The following PARM1 variants were observed in gnomAD, a reference collection of about 807,000 sequenced individuals.
PARM1 encodes WSC4, cell wall integrity and stress response component 4 homolog.
In PARM1, 14 loss-of-function variants were observed where a neutral mutation model predicts 24.6. That is an observed-to-expected ratio of 0.57 (90% CI 0.38 to 0.89). PARM1 has a LOEUF of 0.89. Ranked by LOEUF, PARM1 falls within the 40% of genes least tolerant of loss-of-function variation. PARM1 has a pLI of 0.00. For synonymous variants in PARM1, 179 were observed against 156.6 expected (o/e 1.14, Z -1.07); for missense variants, 362 against 380.4 (o/e 0.95, Z 0.40).
chr4:75,005,494 C>T (rs1722754049), intron 1 of PARM1, among the ~76,000 whole-genome samples: 1 of 152,130 alleles, frequency 6.6e-6, no homozygotes, highest in Non-Finnish European at 1.5e-5. Context: ...TCCTGACACC[C>T]AGTCAGGTCA....
intron 2 of PARM1, among the ~76,000 whole-genome samples, chr4:75,013,802 C>G (rs1471058866): frequency 1.3e-5 from 2 of 152,060 alleles, no homozygotes; most frequent in African/African-American, 4.8e-5. Flanking sequence ...TTTTATTTTC[C>G]CAATAATTAT....
At chr4:74,954,066 ATCT>A (rs1186989040) in intron 1 of PARM1, among the ~76,000 whole-genome samples, 1 of 152,228 alleles carries the variant, frequency 6.6e-6, no homozygotes, top group African/African-American at 2.4e-5. Flanking sequence ...TATGGAATAA[ATCT>A]TCTGAAGCTC....
intron 1 of PARM1, among the ~76,000 whole-genome samples, chr4:74,957,764 T>A (rs1439563089): frequency 6.6e-6 from 1 of 152,136 alleles, no homozygotes; most frequent in Non-Finnish European, 1.5e-5. Flanking sequence ...TTGCCAGGTG[T>A]CTTCTTAACT....
Position 75,020,009 on chromosome 4 carries a change from C to CAA in PARM1, c.769+6886_769+6887dup, listed in dbSNP as rs1161399344. Among the ~76,000 whole-genome samples, 273 of 30,990 alleles carry CAA rather than the reference C, an allele frequency of 8.8e-3. 10 individuals are homozygous for CAA. The highest frequency in any genetic ancestry group is 0.022 in the Non-Finnish European group (196 of 8,838). The allele number at this position is 30,990 out of a possible 152,430, so 20.3% of individuals were successfully genotyped here. ...TGGGCGACAGAACGAGACTCCGTCTCAAAAAAAAAAAAAAAAAAAAAAAAA... is the reference window on the plus strand; with the variant it reads ...TGGGCGACAGAACGAGACTCCGTCTCAAAAAAAAAAAAAAAAAAAAAAAAAAA... On this transcript the variant is annotated intron_variant, in intron 2 of 3. Coordinates refer to ENST00000307428, the MANE Select transcript of PARM1 (RefSeq NM_015393.4).
chr4:74,979,174 G>T (rs957255088), intron 1 of PARM1, among the ~76,000 whole-genome samples: 13 of 151,362 alleles, frequency 8.6e-5, no homozygotes, highest in Admixed American at 6.6e-4. Flanking sequence ...AAAAATCAAT[G>T]AATCCAGGAG....
intron 1 of PARM1, among the ~76,000 whole-genome samples, chr4:74,936,060 C>A (rs909865142): frequency 1.3e-5 from 2 of 152,066 alleles, no homozygotes; most frequent in Admixed American, 1.3e-4. Flanking sequence ...GTCTTGAACT[C>A]CTGAACGTAA....
intron 3 of PARM1, among the ~76,000 whole-genome samples, chr4:75,044,274 T>C (rs990297841): frequency 3.3e-5 from 5 of 152,190 alleles, no homozygotes; most frequent in Non-Finnish European, 5.9e-5. Flanking sequence ...TAGCAAGGTA[T>C]AATAATTCAT....
intron 1 of PARM1, chr4:74,967,489 G>T (rs1053807823): frequency 6.6e-6 from 1 of 152,146 alleles, no homozygotes; most frequent in African/African-American, 2.4e-5. Flanking sequence ...GACAGATTGC[G>T]TCATGGAGAG....
At chr4:74,933,885 C>T (rs1721121331) in intron 1 of PARM1, among the ~76,000 whole-genome samples, 1 of 152,132 alleles carries the variant, frequency 6.6e-6, no homozygotes, top group Non-Finnish European at 1.5e-5. Context: ...CTCCGGCGTC[C>T]CTTCCTAGTT....
chr4:75,006,181 T>C (rs1722764619), intron 1 of PARM1, among the ~76,000 whole-genome samples: 1 of 152,310 alleles, frequency 6.6e-6, no homozygotes, highest in East Asian at 1.9e-4. Flanking sequence ...GTAGGGTACA[T>C]GTGCACAACT....
chr4:74,945,672 TCTC>T (rs1333016661), intron 1 of PARM1, among the ~76,000 whole-genome samples: 4 of 152,224 alleles, frequency 2.6e-5, no homozygotes, highest in Non-Finnish European at 4.4e-5. Flanking sequence ...GTTTTTTAGA[TCTC>T]CTCTCTTTGT....
intron 3 of PARM1, among the ~76,000 whole-genome samples, chr4:75,045,475 C>T (rs138151670): frequency 6.6e-6 from 1 of 152,318 alleles, no homozygotes; most frequent in East Asian, 1.9e-4. Context: ...CCAAATTCTG[C>T]TTAACCCATA....
intron 1 of PARM1, among the ~76,000 whole-genome samples, chr4:75,004,444 G>T (rs1365082816): frequency 6.6e-6 from 1 of 152,190 alleles, no homozygotes; most frequent in Non-Finnish European, 1.5e-5. Flanking sequence ...CATAGAGAAG[G>T]TAAGGCTCTG....
chr4:74,979,284 T>C (rs1722200450), intron 1 of PARM1, among the ~76,000 whole-genome samples: 1 of 151,972 alleles, frequency 6.6e-6, no homozygotes, highest in African/African-American at 2.4e-5. Context: ...AAAGGGGATA[T>C]CGCCACTGAC....
chr4:74,955,439 A>G (rs1220752908), intron 1 of PARM1, among the ~76,000 whole-genome samples: 1 of 152,224 alleles, frequency 6.6e-6, no homozygotes, highest in Non-Finnish European at 1.5e-5. Flanking sequence ...AAGCCCACAA[A>G]ACACCTGAAA....
At chr4:74,968,866 A>T (rs1191650141) in intron 1 of PARM1, among the ~76,000 whole-genome samples, 1 of 152,264 alleles carries the variant, frequency 6.6e-6, no homozygotes, top group Non-Finnish European at 1.5e-5. Flanking sequence ...TTCTAGAAAT[A>T]CAGGTAAATC....
chr4:75,012,367 A>G lies in PARM1; in HGVS notation c.44-58A>G, dbSNP rs1030061319. The G allele has an allele frequency of 6.4e-6, 10 of 1,558,634 alleles. No individual in the cohort carries two copies. The South Asian group carries it at 8.1e-5, about 13-fold the overall frequency. On this transcript the variant is annotated intron_variant, in intron 1 of 3. Coordinates refer to ENST00000307428, the MANE Select transcript of PARM1 (RefSeq NM_015393.4). The stretch of plus-strand genomic sequence containing the variant: ...AGCTGTGGGTAAAAGCCTTGCCTCT[A>G]TTTCACATATTACCGTGTTTTCACA...
At chr4:74,991,938 C>T (rs1204154149) in intron 1 of PARM1, among the ~76,000 whole-genome samples, 1 of 152,146 alleles carries the variant, frequency 6.6e-6, no homozygotes, top group Admixed American at 6.6e-5. Flanking sequence ...GGCTATAAAT[C>T]AAGATTCCCA....
chr4:74,971,448 A>G (rs1722036102), intron 1 of PARM1, among the ~76,000 whole-genome samples: 1 of 151,586 alleles, frequency 6.6e-6, no homozygotes, highest in South Asian at 2.1e-4. Flanking sequence ...ATCATATCAG[A>G]TTTTTTTTTA....
Sources: gnomAD v4.1 joint callset for allele counts (sites outside exome capture counted in the v4.1 genomes callset) on GRCh38, gnomAD v4.1.1 for gene constraint, MANE v1.5 for transcripts, NCBI Gene and HGNC (gene_info 2026-07-23, HGNC 2026-07-21) for gene names.